PDE10A: variants seen among roughly 807,000 people sequenced by gnomAD.
PDE10A encodes cAMP and cAMP-inhibited cGMP 3',5'-cyclic phosphodiesterase 10A.
A neutral mutation model predicts 97.7 loss-of-function variants in PDE10A; 39 were observed. That is an observed-to-expected ratio of 0.40 (90% CI 0.31 to 0.52). The LOEUF (loss-of-function observed/expected upper bound fraction) is 0.52. Ranked by LOEUF, PDE10A falls within the 20% of genes least tolerant of loss-of-function variation. The probability of loss-of-function intolerance (pLI) is 0.56; values close to 1 mark genes in which losing one functional copy is unlikely to be tolerated. For synonymous variants in PDE10A, 371 were observed against 376.8 expected, an observed-to-expected ratio of 0.98 and a Z score of 0.18; for missense variants, 731 against 1,047.8, an observed-to-expected ratio of 0.70 and a Z score of 4.17.
At chr6:165,446,151 G>A (rs956163676) in intron 5 of PDE10A, among the ~76,000 whole-genome samples, 1 of 152,152 alleles carries the variant, frequency 6.6e-6, no homozygotes, top group Non-Finnish European at 1.5e-5. Context: ...TCAATATTCA[G>A]AGAGATAATT....
chr6:165,825,694 C>A (rs922492330), intron 1 of PDE10A, among the ~76,000 whole-genome samples: 1 of 152,212 alleles, frequency 6.6e-6, no homozygotes, highest in African/African-American at 2.4e-5. Flanking sequence ...CGGTGCCTGA[C>A]TCCAGCCATG....
At chr6:165,797,887 T>A (rs1045856616) in intron 1 of PDE10A, among the ~76,000 whole-genome samples, 3 of 152,150 alleles carry the variant, frequency 2.0e-5, no homozygotes, top group African/African-American at 7.2e-5. Flanking sequence ...CATTATGAGT[T>A]TTTTTGTTGT....
At chr6:165,509,607 G>GA (rs1781400300) in intron 2 of PDE10A, among the ~76,000 whole-genome samples, 2 of 149,716 alleles carry the variant, frequency 1.3e-5, no homozygotes. Flanking sequence ...TTATTTTTGT[G>GA]AAAAATGACA....
intron 5 of PDE10A, among the ~76,000 whole-genome samples, chr6:165,448,001 TAA>T (rs1204490560): frequency 6.6e-6 from 1 of 152,214 alleles, no homozygotes; most frequent in Non-Finnish European, 1.5e-5. Flanking sequence ...CTGTTATATT[TAA>T]GAGTCCTATT....
chr6:165,839,958 T>TGCATCTCCATCTACAACC (rs1562762722), intron 1 of PDE10A, among the ~76,000 whole-genome samples: 1 of 116,064 alleles, frequency 8.6e-6, no homozygotes, highest in Non-Finnish European at 1.9e-5. Flanking sequence ...CATCCCCATC[T>TGCATCTCCATCTACAACC]ACATCTCTGT....
chr6:165,721,630 C>T (rs1426376309), intron 1 of PDE10A, among the ~76,000 whole-genome samples: 2 of 152,146 alleles, frequency 1.3e-5, no homozygotes, highest in Non-Finnish European at 2.9e-5. Flanking sequence ...TAGGAAAAAT[C>T]AACAGAACAA....
rs373650016 is a variant in PDE10A, at chr6:165,429,574, C to T, written c.1601+713G>A. 1.1e-4 allele frequency among the ~76,000 whole-genome samples: 16 copies of T among 152,142 alleles called. No homozygotes were observed. The South Asian group carries it at 3.3e-3, about 32-fold the overall frequency. ...CAGTGACATGTGAAACATAACATGTCATCGTTGTTGCTGGAGGCCACAGAG... is the reference window on the plus strand; with the variant it reads ...CAGTGACATGTGAAACATAACATGTTATCGTTGTTGCTGGAGGCCACAGAG... On this transcript the variant is annotated intron_variant, in intron 9 of 21. Transcript: ENST00000539869.
At chr6:165,379,078 A>G in intron 18 of PDE10A, 116 bp downstream of exon 18, 1 of 703,302 alleles carries the variant, frequency 1.4e-6, no homozygotes, top group Non-Finnish European at 2.3e-6. Context: ...AAAAACATGT[A>G]AATTTTTTAC....
intron 1 of PDE10A, among the ~76,000 whole-genome samples, chr6:165,642,829 G>A (rs1258226892): frequency 4.6e-5 from 7 of 152,120 alleles, no homozygotes; most frequent in African/African-American, 1.2e-4. Flanking sequence ...AAGAACGTGC[G>A]TCCCATCACA....
At chr6:165,856,085 T>C (rs1780725152) in intron 1 of PDE10A, among the ~76,000 whole-genome samples, 1 of 152,162 alleles carries the variant, frequency 6.6e-6, no homozygotes, top group Non-Finnish European at 1.5e-5. Context: ...GAGGAGTCCC[T>C]GGCTAGGAAG....
intron 1 of PDE10A, among the ~76,000 whole-genome samples, chr6:165,549,660 C>T (rs1020589759): frequency 2.0e-5 from 3 of 152,242 alleles, no homozygotes; most frequent in Middle Eastern, 3.4e-3. Flanking sequence ...AAATATTCAA[C>T]TCTCTGTGGC....
intron 1 of PDE10A, among the ~76,000 whole-genome samples, chr6:165,884,990 G>T (rs1411728688): frequency 1.3e-5 from 2 of 152,134 alleles, no homozygotes; most frequent in Non-Finnish European, 1.5e-5. Context: ...ACTGAATTCC[G>T]CCTAGACTGC....
chr6:165,494,214 T>C (rs1780391101), intron 2 of PDE10A, among the ~76,000 whole-genome samples: 1 of 152,100 alleles, frequency 6.6e-6, no homozygotes, highest in Non-Finnish European at 1.5e-5. Flanking sequence ...TCTTACACTG[T>C]TGGTGGCAAT....
chr6:165,721,509 G>A (rs1362857478), intron 1 of PDE10A, among the ~76,000 whole-genome samples: 1 of 152,204 alleles, frequency 6.6e-6, no homozygotes, highest in Non-Finnish European at 1.5e-5. Context: ...CATACTCTAA[G>A]TGCCACTTAC....
chr6:165,638,457 T>C (rs995961230), intron 1 of PDE10A, among the ~76,000 whole-genome samples: 1 of 152,174 alleles, frequency 6.6e-6, no homozygotes, highest in African/African-American at 2.4e-5. Context: ...AATGATTTAA[T>C]TTTCTTATAC....
At chr6:165,759,462 C>T (rs890757308) in intron 1 of PDE10A, among the ~76,000 whole-genome samples, 5 of 152,050 alleles carry the variant, frequency 3.3e-5, no homozygotes, top group Non-Finnish European at 1.5e-5. Context: ...CAGGGTGGGC[C>T]GCCTGATTTG....
At chr6:165,502,277 A>C (rs973767427) in intron 2 of PDE10A, among the ~76,000 whole-genome samples, 1 of 152,232 alleles carries the variant, frequency 6.6e-6, no homozygotes, top group African/African-American at 2.4e-5. Context: ...GACTTTATCA[A>C]ATTTAAATAC....
At chr6:165,684,889 C>T (rs2128440300) in intron 1 of PDE10A, among the ~76,000 whole-genome samples, 1 of 152,264 alleles carries the variant, frequency 6.6e-6, no homozygotes, top group African/African-American at 2.4e-5. Context: ...TCAACTGAAC[C>T]AATAAAATAA....
intron 2 of PDE10A, among the ~76,000 whole-genome samples, chr6:165,525,437 T>C (rs1782381350): frequency 6.6e-6 from 1 of 152,022 alleles, no homozygotes; most frequent in Admixed American, 6.6e-5. Context: ...AAGATGGAAA[T>C]GCCTGATCTC....
Sources: gnomAD v4.1 joint callset for allele counts (sites outside exome capture counted in the v4.1 genomes callset) on GRCh38, gnomAD v4.1.1 for gene constraint, MANE v1.5 for transcripts, NCBI Gene and HGNC (gene_info 2026-07-23, HGNC 2026-07-21) for gene names.